The following BLM variants were observed in gnomAD, a reference collection of about 807,000 sequenced individuals.
BLM encodes recQ-like DNA helicase BLM.
Under a neutral mutation model 135.3 loss-of-function variants are expected in BLM, and 95 were observed. That is an observed-to-expected ratio of 0.70 (90% CI 0.59 to 0.83). The LOEUF (loss-of-function observed/expected upper bound fraction) is 0.83. Ranked by LOEUF, BLM falls within the 40% of genes least tolerant of loss-of-function variation. BLM has a pLI of 0.00. For synonymous variants in BLM, 520 were observed against 589.2 expected (o/e 0.88, Z 1.70); for missense variants, 1,518 against 1,663.9 (o/e 0.91, Z 1.53).
chr15:90,771,784 T>C (rs939333048), intron 12 of BLM, among the ~76,000 whole-genome samples: 3 of 152,164 alleles, frequency 2.0e-5, no homozygotes, highest in Non-Finnish European at 2.9e-5. Flanking sequence ...CAAATGCCTA[T>C]AGTTAAATGA....
rs2151146878 is a variant in BLM, at chr15:90,749,490, T to C, written c.222T>C (p.Ser74=). The change falls in exon 3 of 22, where the codon AGT becomes AGC. Residue 74 remains serine, a synonymous_variant. Transcript: ENST00000355112. Reference sequence around the variant, plus strand: ...ATGTTACCGAAGACTTTTCCTTCAGTGAACCTCTACCCAACACCACAAATC... The same window carrying C: ...ATGTTACCGAAGACTTTTCCTTCAGCGAACCTCTACCCAACACCACAAATC... ...DVNVTEDFSF[S]EPLPNTTNQQ... The C allele has an allele frequency of 6.2e-7, 1 of 1,614,152 alleles. No homozygotes were observed. The highest frequency in any genetic ancestry group is 8.5e-7 in the Non-Finnish European group (1 of 1,179,976).
Position 90,803,619 on chromosome 15 carries a change from A to G in BLM, c.3457A>G (p.Lys1153Glu), listed in dbSNP as rs1897216200. 6.2e-7 allele frequency: 1 copy of G among 1,614,162 alleles called. No individual in the cohort carries two copies. Among genetic ancestry groups the G allele is most frequent in the Non-Finnish European group, 8.5e-7 (1 of 1,180,002 alleles). ...ACTTTTTAAAAAGCTGATACTTGAC[A>G]AGATTTTGGATGAAGACTTATATAT... ...ERLFKKLILD[K>E]ILDEDLYINA... Residue 1153 changes from lysine to glutamate, a missense_variant, in exon 18 of 22, where the codon AAG becomes GAG. By Grantham distance (56) the Lys-to-Glu change is moderately conservative (BLOSUM62 1). This residue lies in a region of BLM where 626 missense variants were observed against 681.1 expected (regional missense o/e 0.92). Transcript: ENST00000355112.
At chr15:90,762,915 C>G in intron 7 of BLM, 51 bp from the exon 8 acceptor site, 2 of 1,527,098 alleles carry the variant, frequency 1.3e-6, no homozygotes, top group African/African-American at 1.4e-5. Context: ...TAAAGCTGTA[C>G]TTTCACTGTA....
chr15:90,793,959 C>G lies in BLM; in HGVS notation c.3020-208C>G, dbSNP rs142558553. The G allele has an allele frequency of 3.5e-5, 11 of 317,308 alleles. 1 individual carries two copies. Among genetic ancestry groups the G allele is most frequent in the African/African-American group, 1.3e-4 (6 of 45,356 alleles). 19.7% of individuals were successfully genotyped at this position (317,308 alleles called of 1,614,324 possible). A position where few individuals can be genotyped will look rare whatever the true frequency, so the allele number is the denominator to read the frequency against. ...ATAATGAAGATTTGAAAAAAAAAAA[C>G]CTAACATTTATTCCTATAGTACTAA... On this transcript the variant is annotated intron_variant, in intron 15 of 21. Transcript: ENST00000355112.
chr15:90,778,517 C>T (rs1184755311), intron 12 of BLM, among the ~76,000 whole-genome samples: 1 of 152,196 alleles, frequency 6.6e-6, no homozygotes, highest in African/African-American at 2.4e-5. Flanking sequence ...GCAGTTCAAT[C>T]TCCTTTTCCC....
chr15:90,741,397 G>T (rs1353833998), intron 1 of BLM, among the ~76,000 whole-genome samples: 4 of 151,954 alleles, frequency 2.6e-5, no homozygotes, highest in South Asian at 2.1e-4. Flanking sequence ...GAATTTTTTG[G>T]CTTTCTCAAA....
chr15:90,782,465 G>A (rs1896640373), intron 12 of BLM, among the ~76,000 whole-genome samples: 1 of 152,196 alleles, frequency 6.6e-6, no homozygotes, highest in Admixed American at 6.5e-5. Context: ...TGTAGACTGG[G>A]TGGCTTAAAC....
intron 9 of BLM, among the ~76,000 whole-genome samples, chr15:90,766,565 T>A (rs948100059): frequency 1.3e-5 from 2 of 152,110 alleles, no homozygotes; most frequent in African/African-American, 4.8e-5. Context: ...GTAGCTGGAA[T>A]TACAGGCACC....
intron 1 of BLM, among the ~76,000 whole-genome samples, chr15:90,730,293 G>A (rs1228018425): frequency 1.3e-5 from 2 of 152,064 alleles, no homozygotes; most frequent in African/African-American, 4.8e-5. Flanking sequence ...GCTCTGGCTT[G>A]GACTTCCAGT....
At chr15:90,745,087 G>A (rs1895464939) in intron 1 of BLM, among the ~76,000 whole-genome samples, 1 of 152,016 alleles carries the variant, frequency 6.6e-6, no homozygotes, top group Non-Finnish European at 1.5e-5. Flanking sequence ...TGACGAAATG[G>A]CCGATTCCAA....
At chr15:90,808,788 A>G (rs1897339206) in intron 19 of BLM, 1 of 388,708 alleles carries the variant, frequency 2.6e-6, no homozygotes, top group African/African-American at 2.1e-5. Context: ...GAGAGGGCAC[A>G]CCAGTCTCAG....
rs181698533 is a variant in BLM at position 90,736,549 on chromosome 15, G to A, written c.-4-10840G>A. ...GCTGGGATGACAGGTGTGAGCCACC[G>A]TGCCCGGCCTTACGTTTTCAACAGT... On this transcript the variant is annotated intron_variant, in intron 1 of 21. Coordinates refer to ENST00000355112, the MANE Select transcript of BLM (RefSeq NM_000057.4). 6.6e-4 allele frequency among the ~76,000 whole-genome samples: 101 copies of A among 152,264 alleles called. No individual in the cohort carries two copies. The South Asian group carries it at 7.9e-3, about 12-fold the overall frequency.
At chr15:90,798,469 G>C in intron 17 of BLM, 132 bp downstream of exon 17, 1 of 888,792 alleles carries the variant, frequency 1.1e-6, no homozygotes, top group South Asian at 1.6e-5. Flanking sequence ...AAACTTTTAA[G>C]TAACAAAAGA....
chr15:90,809,031 GTTAGTTGGCAC>G, intron 19 of BLM, 95 bp from the exon 20 acceptor site: 1 of 1,505,730 alleles, frequency 6.6e-7, no homozygotes, highest in Non-Finnish European at 9.2e-7. Flanking sequence ...GTACCCTGCA[GTTAGTTGGCAC>G]TTAGCAGACG....
intron 19 of BLM, among the ~76,000 whole-genome samples, chr15:90,805,567 A>T (rs1156395682): frequency 1.3e-5 from 2 of 151,606 alleles, no homozygotes; most frequent in African/African-American, 4.8e-5. Context: ...AGGCAGGTGG[A>T]TCATGAGGTC....
Position 90,804,255 on chromosome 15 carries a change from A to G in BLM, c.3647A>G (p.Lys1216Arg), listed in dbSNP as rs748798772. 1.2e-6 allele frequency: 2 copies of G among 1,614,160 alleles called. No individual in the cohort carries two copies. Among genetic ancestry groups the G allele is most frequent in the South Asian group, 2.2e-5 (2 of 91,080 alleles). Reference protein sequence around the residue: ...AKVSQREEMVKKCLGELTEVC... With the variant: ...AKVSQREEMVRKCLGELTEVC... Reference sequence around the variant, plus strand: ...GTGTCTCAGAGGGAAGAGATGGTTAAAAAATGTCTTGGAGAACTTACAGAA... The same window carrying G: ...GTGTCTCAGAGGGAAGAGATGGTTAGAAAATGTCTTGGAGAACTTACAGAA... Residue 1216 changes from lysine (K) to arginine (R), a missense_variant, in exon 19 of 22, where the codon AAA (lysine) becomes AGA (arginine). Around this residue, in one of 5 missense-constraint regions of BLM, gnomAD observed 626 missense variants for 681.1 expected, o/e 0.92. Coordinates refer to ENST00000355112, the MANE Select transcript of BLM (RefSeq NM_000057.4).
At chr15:90,808,584 C>T (rs896795796) in intron 19 of BLM, among the ~76,000 whole-genome samples, 1 of 152,216 alleles carries the variant, frequency 6.6e-6, no homozygotes, top group African/African-American at 2.4e-5. Flanking sequence ...AGCTGCAAGA[C>T]TGATATGCGA....
At position 90,740,291 on chromosome 15, in the gene BLM, ATG is replaced by A. The variant is rs1375317305; in HGVS notation, c.-4-7096_-4-7095del. 2.6e-5 allele frequency among the ~76,000 whole-genome samples: 4 copies of A among 152,256 alleles called. No homozygotes were observed. The East Asian group carries it at 7.7e-4, about 29-fold the overall frequency. On this transcript the variant is annotated intron_variant, in intron 1 of 21. Coordinates refer to ENST00000355112, the MANE Select transcript of BLM (RefSeq NM_000057.4). ...AGTAGTCTACACTGTATCCATGGAT[ATG>A]TCTATTCTTATACATTTCATATAAA... is the stretch of plus-strand genomic sequence containing the variant.
intron 12 of BLM, among the ~76,000 whole-genome samples, chr15:90,770,468 G>T (rs1286303295): frequency 6.6e-6 from 1 of 152,146 alleles, no homozygotes. Context: ...GAGCCACCGT[G>T]CCCGGCCAAT....
Sources: allele counts gnomAD v4.1 joint callset (sites outside exome capture counted in the v4.1 genomes callset), GRCh38; gene constraint gnomAD v4.1.1; regional missense constraint gnomAD v4.1.1; transcripts MANE v1.5; gene names NCBI Gene and HGNC (gene_info 2026-07-23, HGNC 2026-07-21).